The following ARMC9 variants were observed in gnomAD, a reference collection of about 807,000 sequenced individuals.
ARMC9 encodes lisH domain-containing protein ARMC9.
ARMC9 carries 94 observed loss-of-function variants against 107.0 expected under a neutral mutation model. That is an observed-to-expected ratio of 0.88 (90% CI 0.74 to 1.04). ARMC9 has a LOEUF of 1.04. Ranked by LOEUF, ARMC9 falls within the 50% of genes least tolerant of loss-of-function variation. The probability of loss-of-function intolerance (pLI) is 0.00; values close to 1 mark genes in which losing one functional copy is unlikely to be tolerated. For missense variants in ARMC9, 942 were observed against 1,030.1 expected (o/e 0.91, Z 1.17); for synonymous variants, 380 against 396.9 (o/e 0.96, Z 0.51).
intron 9 of ARMC9, chr2:231,256,283 C>T (rs2125403631): frequency 1.3e-6 from 2 of 1,553,452 alleles, no homozygotes; most frequent in Non-Finnish European, 1.7e-6. Flanking sequence ...GGAGTCAGAG[C>T]GAGAAGCCCG....
At chr2:231,303,539 A>G (rs2041881380) in intron 19 of ARMC9, among the ~76,000 whole-genome samples, 1 of 152,130 alleles carries the variant, frequency 6.6e-6, no homozygotes, top group Non-Finnish European at 1.5e-5. Flanking sequence ...CTCTGTTCCT[A>G]GTTTGCTGAG....
At chr2:231,333,846 G>A (rs745803846) in intron 20 of ARMC9, among the ~76,000 whole-genome samples, 13 of 152,196 alleles carry the variant, frequency 8.5e-5, no homozygotes, top group Non-Finnish European at 1.3e-4. Context: ...TGAATACAGC[G>A]CTCAGTTAAT....
At chr2:231,241,811 A>G (rs1226953418) in intron 9 of ARMC9, among the ~76,000 whole-genome samples, 1 of 152,108 alleles carries the variant, frequency 6.6e-6, no homozygotes, top group Non-Finnish European at 1.5e-5. Context: ...CAAAAAATGC[A>G]TATGCTGTGA....
chr2:231,250,011 A>C (rs1014060864), intron 9 of ARMC9, among the ~76,000 whole-genome samples: 1 of 150,866 alleles, frequency 6.6e-6, no homozygotes, highest in African/African-American at 2.4e-5. Context: ...CCTCCACGGG[A>C]GGGAGACCAC....
intron 1 of ARMC9, 135 bp from the exon 2 acceptor site, chr2:231,206,063 C>T (rs745923393): frequency 1.3e-4 from 84 of 650,936 alleles, no homozygotes; most frequent in Non-Finnish European, 1.6e-4. Context: ...GCCGTGTAAC[C>T]TCACGTATTC....
At chr2:231,293,364 T>C (rs1428028948) in intron 18 of ARMC9, among the ~76,000 whole-genome samples, 1 of 152,170 alleles carries the variant, frequency 6.6e-6, no homozygotes, top group African/African-American at 2.4e-5. Flanking sequence ...GCCATAGTCA[T>C]CAGCTGTGCC....
chr2:231,308,093 G>C (rs1348262050), intron 19 of ARMC9, among the ~76,000 whole-genome samples: 4 of 152,226 alleles, frequency 2.6e-5, no homozygotes, highest in Non-Finnish European at 5.9e-5. Context: ...AGATTTGTGA[G>C]CCCAAGAGAC....
intron 18 of ARMC9, 67 bp downstream of exon 18, chr2:231,291,510 G>A (rs1156872932): frequency 4.0e-6 from 6 of 1,517,712 alleles, no homozygotes; most frequent in Non-Finnish European, 5.4e-6. Flanking sequence ...AAGACACATG[G>A]CATTTCATTC....
chr2:231,211,911 C>T (rs1191452953), intron 3 of ARMC9, among the ~76,000 whole-genome samples: 1 of 152,114 alleles, frequency 6.6e-6, no homozygotes, highest in African/African-American at 2.4e-5. Flanking sequence ...TTGTCACAAG[C>T]ATATCTTTTC....
At chr2:231,276,457 A>T (rs1311999927) in intron 14 of ARMC9, among the ~76,000 whole-genome samples, 179 bp from the exon 15 acceptor site, 1 of 151,920 alleles carries the variant, frequency 6.6e-6, no homozygotes, top group Non-Finnish European at 1.5e-5. Context: ...TTTAGTAGAG[A>T]CGGGGTTTCA....
chr2:231,222,535 G>A (rs983733257), intron 5 of ARMC9, among the ~76,000 whole-genome samples, 193 bp from the exon 6 acceptor site: 7 of 152,058 alleles, frequency 4.6e-5, no homozygotes, highest in Admixed American at 4.6e-4. Context: ...TCTTCCTACT[G>A]TGGGCACTTG....
chr2:231,256,127 C>G lies in ARMC9; in HGVS notation c.880-459C>G, dbSNP rs1465282795. ...CACCAGCCGTGTGCAGCCTATCAAG[C>G]TGGCCAGGGTCACCAAGGTCCTGGG... On this transcript the variant is annotated intron_variant, in intron 9 of 24. Transcript: ENST00000611582. The G allele has an allele frequency of 1.9e-6, 3 of 1,550,186 alleles. No individual in the cohort carries two copies. In the African/African-American group the frequency reaches 4.1e-5, roughly 21 times the overall value.
rs1470079587 is a variant in ARMC9 at position 231,360,733 on chromosome 2, A to T, written c.2132-21A>T. ...GGGCTCCAGAGCAGATGTGGACTGA[A>T]CTTTCTCTCCTCCTCCCCAGCAGCC... On this transcript the variant is annotated intron_variant, in intron 22 of 24. Coordinates refer to ENST00000611582, the MANE Select transcript of ARMC9 (RefSeq NM_001352754.2). The surrounding 1 kb of genome is among the most constrained non-coding windows in gnomAD (Gnocchi z 4.7). The T allele has an allele frequency of 7.8e-6, 12 of 1,535,932 alleles. No homozygotes were observed. Among genetic ancestry groups the T allele is most frequent in the Non-Finnish European group, 1.0e-5 (12 of 1,146,906 alleles).
chr2:231,230,084 AGGCGT>A (rs1362159721), intron 7 of ARMC9, among the ~76,000 whole-genome samples: 1 of 152,160 alleles, frequency 6.6e-6, no homozygotes, highest in Non-Finnish European at 1.5e-5. Context: ...TCTTGTCACT[AGGCGT>A]GGTGGCTCAT....
chr2:231,279,441 C>CGATT (rs1339459629), intron 16 of ARMC9, among the ~76,000 whole-genome samples: 3 of 152,010 alleles, frequency 2.0e-5, no homozygotes, highest in African/African-American at 7.2e-5. Context: ...GAGCAGGATA[C>CGATT]GATTGAGTAC....
chr2:231,284,500 G>A (rs1327865592), intron 17 of ARMC9, among the ~76,000 whole-genome samples: 1 of 152,184 alleles, frequency 6.6e-6, no homozygotes, highest in Non-Finnish European at 1.5e-5. Flanking sequence ...TCAGCAGGAG[G>A]CCTCAGTTTT....
intron 19 of ARMC9, among the ~76,000 whole-genome samples, chr2:231,307,759 C>G (rs934938683): frequency 3.9e-5 from 6 of 152,220 alleles, no homozygotes; most frequent in African/African-American, 1.4e-4. Flanking sequence ...TGACTGCCAC[C>G]AGGCATCTGG....
chr2:231,224,771 A>C (rs191155253), intron 6 of ARMC9, among the ~76,000 whole-genome samples: 1 of 152,338 alleles, frequency 6.6e-6, no homozygotes, highest in Admixed American at 6.5e-5. Flanking sequence ...TAGGGATATA[A>C]AGAAAAGGCC....
At chr2:231,280,428 A>G (rs2040120253) in intron 16 of ARMC9, among the ~76,000 whole-genome samples, 1 of 152,210 alleles carries the variant, frequency 6.6e-6, no homozygotes, top group Non-Finnish European at 1.5e-5. Context: ...GTTGCACTCC[A>G]GCATGGGTGA....
Sources: allele counts gnomAD v4.1 joint callset (sites outside exome capture counted in the v4.1 genomes callset), GRCh38; gene constraint gnomAD v4.1.1; non-coding constraint Gnocchi (gnomAD v3.1); transcripts MANE v1.5; gene names NCBI Gene and HGNC (gene_info 2026-07-23, HGNC 2026-07-21).